KIF13A: variants seen among roughly 807,000 people sequenced by gnomAD.
KIF13A encodes kinesin family member 13A.
A neutral mutation model predicts 212.2 loss-of-function variants in KIF13A; 79 were observed. That is an observed-to-expected ratio of 0.37 (90% CI 0.31 to 0.45). The LOEUF is 0.45. KIF13A is among the 20% of genes least tolerant of loss of function. The pLI is 1.00. For synonymous variants in KIF13A, 789 were observed against 808.6 expected, an observed-to-expected ratio of 0.98 and a Z score of 0.41; for missense variants, 1,901 against 2,209.0, an observed-to-expected ratio of 0.86 and a Z score of 2.79.
Position 17,777,633 on chromosome 6 carries a change from G to A in KIF13A, c.4093-279C>T, listed in dbSNP as rs915239391. ...TCCTGAGCTCAGGCAATCTGCCCACGTCGGCCTCCCAAAGTGTTAGGATTA... is the reference window on the plus strand; with the variant it reads ...TCCTGAGCTCAGGCAATCTGCCCACATCGGCCTCCCAAAGTGTTAGGATTA... On this transcript the variant is annotated intron_variant, in intron 33 of 38. Transcript: ENST00000259711. This position sits in a 1 kb window ranked among gnomAD's most constrained non-coding sequence, Gnocchi z 4.4. Among the ~76,000 whole-genome samples, 1 of 151,940 alleles carries A rather than the reference G, an allele frequency of 6.6e-6. No individual in the cohort carries two copies. The highest frequency in any genetic ancestry group is 1.5e-5 in the Non-Finnish European group (1 of 67,970).
chr6:17,901,628 CA>C (rs1486459338), intron 2 of KIF13A, among the ~76,000 whole-genome samples: 4 of 152,196 alleles, frequency 2.6e-5, no homozygotes, highest in Non-Finnish European at 5.9e-5. Flanking sequence ...GTTCACCCTA[CA>C]AAAGCTTTCC....
At position 17,799,448 on chromosome 6, in the gene KIF13A, A is replaced by G; in HGVS notation, c.2617-9T>C. The stretch of plus-strand genomic sequence containing the variant: ...GCTTCTTTAATTTTTACCTGAAGAG[A>G]TAAACAATACAAATAAAACTCCAAT... On this transcript the variant is annotated splice_polypyrimidine_tract_variant and intron_variant, in intron 21 of 38. Coordinates refer to ENST00000259711, the MANE Select transcript of KIF13A (RefSeq NM_022113.6). This position sits in a 1 kb window ranked among gnomAD's most constrained non-coding sequence, Gnocchi z 4.4. 6.6e-7 allele frequency: 1 copy of G among 1,519,736 alleles called. No individual in the cohort carries two copies. Among genetic ancestry groups the G allele is most frequent in the Non-Finnish European group, 8.8e-7 (1 of 1,129,994 alleles). 94.1% of individuals were successfully genotyped at this position (1,519,736 alleles called of 1,614,324 possible).
chr6:17,986,951 G>A (rs1001478673), intron 2 of KIF13A, 103 bp downstream of exon 2: 3 of 783,648 alleles, frequency 3.8e-6, no homozygotes, highest in African/African-American at 1.7e-5. Flanking sequence ...ACTTGAAGCC[G>A]TCCTCCTAAC....
intron 4 of KIF13A, among the ~76,000 whole-genome samples, chr6:17,859,634 A>T (rs1471643394): frequency 6.8e-5 from 7 of 103,670 alleles, no homozygotes; most frequent in African/African-American, 2.7e-4. Context: ...ATATATATAT[A>T]TATATTTTTT....
chr6:17,833,904 G>T, intron 12 of KIF13A, 57 bp downstream of exon 12: 4 of 742,354 alleles, frequency 5.4e-6, no homozygotes, highest in Non-Finnish European at 6.1e-6. Flanking sequence ...AAACTACACA[G>T]AAAAGACAAT....
At chr6:17,863,486 T>C (rs183315951) in intron 4 of KIF13A, among the ~76,000 whole-genome samples, 162 of 152,204 alleles carry the variant, frequency 1.1e-3, no homozygotes, top group Non-Finnish European at 1.7e-3. Flanking sequence ...TATTCTGCCC[T>C]TCTGGTGCCT....
Position 17,872,422 on chromosome 6 carries a change from A to T in KIF13A, c.220+955T>A, listed in dbSNP as rs1449645754. ...TAGGAAGAAATAGTTCACGAGCTCT[A>T]TTGTACAACACGGTGACTATAGTTA... is the stretch of plus-strand genomic sequence containing the variant. On this transcript the variant is annotated intron_variant, in intron 4 of 38. Coordinates refer to ENST00000259711, the MANE Select transcript of KIF13A (RefSeq NM_022113.6). The surrounding 1 kb of genome is among the most constrained non-coding windows in gnomAD (Gnocchi z 4.7). Among the ~76,000 whole-genome samples, 1 of 152,194 alleles carries T rather than the reference A, an allele frequency of 6.6e-6. No individual in the cohort carries two copies. The highest frequency in any genetic ancestry group is 1.9e-4 in the East Asian group (1 of 5,186).
chr6:17,761,240 T>TA (rs565685451), downstream of KIF13A, among the ~76,000 whole-genome samples: 123 of 152,136 alleles, frequency 8.1e-4, no homozygotes, highest in Non-Finnish European at 1.2e-4. Flanking sequence ...ATACATTAAA[T>TA]AAAAAAACAT....
At chr6:17,938,878 C>G (rs139913522) in intron 2 of KIF13A, among the ~76,000 whole-genome samples, 1 of 149,152 alleles carries the variant, frequency 6.7e-6, no homozygotes, top group South Asian at 2.1e-4. Flanking sequence ...ATAAGGAATG[C>G]ACTAATTTTT....
chr6:17,972,697 T>G (rs1246204100), intron 2 of KIF13A, among the ~76,000 whole-genome samples: 1 of 152,082 alleles, frequency 6.6e-6, no homozygotes, highest in Non-Finnish European at 1.5e-5. Flanking sequence ...GATACAGAAA[T>G]ATTTATGGTC....
chr6:17,966,543 G>C (rs1779332271), intron 2 of KIF13A, among the ~76,000 whole-genome samples: 1 of 141,612 alleles, frequency 7.1e-6, no homozygotes. Flanking sequence ...GGTCAAGTAT[G>C]ACAATCTGAG....
At chr6:17,793,380 C>T (rs1360308892) in intron 25 of KIF13A, among the ~76,000 whole-genome samples, 1 of 151,914 alleles carries the variant, frequency 6.6e-6, no homozygotes, top group East Asian at 1.9e-4. Context: ...CCGCGCCTGG[C>T]CAAGTTCCTA....
downstream of KIF13A, among the ~76,000 whole-genome samples, chr6:17,761,404 CAA>C (rs1320778743): frequency 2.0e-5 from 3 of 151,292 alleles, no homozygotes; most frequent in Non-Finnish European, 4.4e-5. Context: ...TTTTTTGAGA[CAA>C]GAGTTTAGCT....
At position 17,816,519 on chromosome 6, in the gene KIF13A, T is replaced by C. The variant is rs1477092237; in HGVS notation, c.2000+501A>G. ...TTTTTGTAGAGACAAGGTCTCACTATGTTGCCTGGGCTGGATTCAAACTCC... is the reference window on the plus strand; with the variant it reads ...TTTTTGTAGAGACAAGGTCTCACTACGTTGCCTGGGCTGGATTCAAACTCC... On this transcript the variant is annotated intron_variant, in intron 17 of 38. Transcript: ENST00000259711. This position sits in a 1 kb window ranked among gnomAD's most constrained non-coding sequence, Gnocchi z 4.3. Among the ~76,000 whole-genome samples, 4 of 152,150 alleles carry C rather than the reference T, an allele frequency of 2.6e-5. No individual in the cohort carries two copies. Among genetic ancestry groups the C allele is most frequent in the Middle Eastern group, 6.8e-3 (2 of 292 alleles).
intron 2 of KIF13A, among the ~76,000 whole-genome samples, chr6:17,905,652 A>T (rs1421370494): frequency 6.6e-6 from 1 of 152,222 alleles, no homozygotes; most frequent in Non-Finnish European, 1.5e-5. Flanking sequence ...GTTGGAGGAG[A>T]AACGCCTGGA....
Position 17,796,814 on chromosome 6 carries a change from C to A in KIF13A, c.2797G>T (p.Val933Leu). The A allele has an allele frequency of 6.5e-7, 1 of 1,546,418 alleles. No homozygotes were observed. The highest frequency in any genetic ancestry group is 1.2e-5 in the South Asian group (1 of 82,376). ...AGAAATTCTTCTGTTACATTCACCA[C>A]ATAGTCCTGGGATAAGTGGGGGAAA... ...TVTFSHCKDY[V>L]VNVTEEFLEF... The change falls in exon 23 of 39, where the codon GTG (valine) becomes TTG (leucine). Residue 933 changes from valine to leucine, a missense_variant. By Grantham distance (32) the Val-to-Leu change is conservative. Around this residue, in one of 5 missense-constraint regions of KIF13A, gnomAD observed 534 missense variants for 536.9 expected, o/e 0.99. Transcript: ENST00000259711.
At chr6:17,761,062 G>A (rs1425005662), downstream of KIF13A, among the ~76,000 whole-genome samples, 4 of 152,102 alleles carry the variant, frequency 2.6e-5, no homozygotes, top group Non-Finnish European at 5.9e-5. Flanking sequence ...CTGAGGTGAT[G>A]TTTCAAGGAA....
At chr6:17,977,018 C>T (rs6942390) in intron 2 of KIF13A, among the ~76,000 whole-genome samples, 5 of 150,294 alleles carry the variant, frequency 3.3e-5, no homozygotes, top group Admixed American at 6.7e-5. Flanking sequence ...AGGAGAATGG[C>T]GTGAACCCGG....
Position 17,987,530 on chromosome 6 carries a change from CCGCCGCCGCTG to C in KIF13A, c.-78_-68del. On this transcript the variant is annotated 5_prime_UTR_variant, in exon 1 of 39. The change abolishes the stop of an existing upstream ORF in the 5' untranslated region. Transcript: ENST00000259711. This position sits in a 1 kb window ranked among gnomAD's most constrained non-coding sequence, Gnocchi z 7.7. Reference sequence around the variant, plus strand: ...CTTAGGCGGCCCCTCACGCGCGGCGCCGCCGCCGCTGCAGCCGCGCGCCCCTCGAGCGCGGC... The same window carrying C: ...CTTAGGCGGCCCCTCACGCGCGGCGCCAGCCGCGCGCCCCTCGAGCGCGGC... The C allele has an allele frequency of 2.3e-6, 2 of 860,822 alleles. No homozygotes were observed. Among genetic ancestry groups the C allele is most frequent in the Non-Finnish European group, 2.8e-6 (2 of 703,242 alleles). 53.3% of individuals were successfully genotyped at this position (860,822 alleles called of 1,614,324 possible). A position where few individuals can be genotyped will look rare whatever the true frequency, so the allele number is the denominator to read the frequency against.
Sources: gnomAD v4.1 joint callset for allele counts (sites outside exome capture counted in the v4.1 genomes callset) on GRCh38, gnomAD v4.1.1 for gene constraint, gnomAD v4.1.1 regional missense constraint, Gnocchi (gnomAD v3.1) non-coding constraint, MANE v1.5 for transcripts, NCBI Gene and HGNC (gene_info 2026-07-23, HGNC 2026-07-21) for gene names.